Variants in PACC1 observed in about 807,000 individuals in gnomAD.
The protein encoded by PACC1 is proton-activated chloride channel.
A neutral mutation model predicts 39.7 loss-of-function variants in PACC1; 34 were observed. The observed-to-expected ratio is 0.86, with a 90% CI of 0.65 to 1.14. The LOEUF (loss-of-function observed/expected upper bound fraction) is 1.14, where lower values mean the gene tolerates loss of function less well. PACC1 is among the 50% of genes most tolerant of loss of function. The pLI is 0.00. For missense variants in PACC1, 379 were observed against 436.4 expected (o/e 0.87, Z 1.17); for synonymous variants, 127 against 160.6 (o/e 0.79, Z 1.58).
intron 6 of PACC1, among the ~76,000 whole-genome samples, chr1:212,375,611 A>C (rs1383324204): frequency 6.6e-6 from 1 of 152,192 alleles, no homozygotes; most frequent in African/African-American, 2.4e-5. Flanking sequence ...CAGGCCAGGC[A>C]TGTTGGCTCA....
At chr1:212,406,513 CA>C (rs906400823) in intron 2 of PACC1, among the ~76,000 whole-genome samples, 4 of 144,862 alleles carry the variant, frequency 2.8e-5, no homozygotes, top group African/African-American at 1.0e-4. Context: ...GAGACTGTCT[CA>C]AAAAAAAAAG....
chr1:212,407,987 T>C (rs960415442), intron 2 of PACC1, among the ~76,000 whole-genome samples: 1 of 149,344 alleles, frequency 6.7e-6, no homozygotes, highest in Admixed American at 6.8e-5. Context: ...GGCAGGAGAA[T>C]CACTTGAACC....
intron 2 of PACC1, among the ~76,000 whole-genome samples, chr1:212,391,854 C>A (rs573480231): frequency 6.6e-6 from 1 of 151,780 alleles, no homozygotes; most frequent in Admixed American, 6.6e-5. Context: ...GATGGAAGAT[C>A]AAATGAATGA....
rs561664652 is a variant in PACC1, at chr1:212,388,867, T to C, written c.134-1767A>G. ...TGGAGCTCCCTGAGAAGAAGTCCTATTTCCTCCACAGCCCAGCTGAGCACA... is the reference window on the plus strand; with the variant it reads ...TGGAGCTCCCTGAGAAGAAGTCCTACTTCCTCCACAGCCCAGCTGAGCACA... On this transcript the variant is annotated intron_variant, in intron 2 of 7. Transcript: ENST00000261455. Among the ~76,000 whole-genome samples the C allele has an allele frequency of 7.3e-4, 111 of 152,204 alleles. 3 individuals carry two copies. The South Asian group carries it at 0.022, about 30-fold the overall frequency.
At chr1:212,388,048 C>T (rs962783076) in intron 2 of PACC1, among the ~76,000 whole-genome samples, 4 of 139,780 alleles carry the variant, frequency 2.9e-5, no homozygotes, top group Middle Eastern at 3.5e-3. Context: ...GAGCGAAACT[C>T]CATCTCAAAA....
At chr1:212,410,631 C>A in intron 1 of PACC1, 110 bp from the exon 2 acceptor site, 3 of 969,850 alleles carry the variant, frequency 3.1e-6, no homozygotes, top group South Asian at 2.6e-5. Context: ...CACCAAAAAC[C>A]ACATGACATA....
chr1:212,373,749 A>T (rs554703764), intron 7 of PACC1, among the ~76,000 whole-genome samples: 1 of 152,228 alleles, frequency 6.6e-6, no homozygotes, highest in Non-Finnish European at 1.5e-5. Flanking sequence ...GCATATGAAA[A>T]TATGCTCAAC....
intron 4 of PACC1, 126 bp downstream of exon 4, chr1:212,385,148 T>A: frequency 9.1e-7 from 1 of 1,096,322 alleles, no homozygotes. Context: ...GCATGTCTCC[T>A]TGGGGACTAA....
chr1:212,405,634 G>C (rs1484689911), intron 2 of PACC1, among the ~76,000 whole-genome samples: 1 of 152,164 alleles, frequency 6.6e-6, no homozygotes, highest in Non-Finnish European at 1.5e-5. Flanking sequence ...TACAGGGAGG[G>C]GAGAATTTGG....
chr1:212,367,385 GCATTGGAACTTC>G (rs1660284127), intron 7 of PACC1, among the ~76,000 whole-genome samples: 1 of 152,146 alleles, frequency 6.6e-6, no homozygotes, highest in Admixed American at 6.5e-5. Flanking sequence ...TCTGGAACTT[GCATTGGAACTTC>G]ACAAGGGAAA....
chr1:212,392,317 C>A (rs1300089622), intron 2 of PACC1, among the ~76,000 whole-genome samples: 1 of 152,250 alleles, frequency 6.6e-6, no homozygotes, highest in East Asian at 1.9e-4. Context: ...ATTTTCAACC[C>A]AGAATTTCAT....
intron 2 of PACC1, among the ~76,000 whole-genome samples, chr1:212,398,910 ATGGC>A (rs919071539): frequency 6.6e-6 from 1 of 152,134 alleles, no homozygotes; most frequent in African/African-American, 2.4e-5. Flanking sequence ...CAGCCTATAG[ATGGC>A]TTCCCTTTCT....
At chr1:212,387,289 C>T (rs1199229322) in intron 2 of PACC1, among the ~76,000 whole-genome samples, 189 bp from the exon 3 acceptor site, 2 of 152,022 alleles carry the variant, frequency 1.3e-5, no homozygotes, top group Non-Finnish European at 2.9e-5. Context: ...GCTTCTCTGC[C>T]AGGTAGAGGA....
At chr1:212,408,023 G>A (rs1314759515) in intron 2 of PACC1, among the ~76,000 whole-genome samples, 9 of 149,586 alleles carry the variant, frequency 6.0e-5, no homozygotes, top group Admixed American at 3.4e-4. Context: ...GCAATGAGCC[G>A]AGACTGTGCC....
intron 4 of PACC1, among the ~76,000 whole-genome samples, chr1:212,384,564 C>T (rs771319029): frequency 6.6e-6 from 1 of 152,354 alleles, no homozygotes; most frequent in African/African-American, 2.4e-5. Flanking sequence ...GCCTAGAAAA[C>T]CTTTCCTTCC....
intron 2 of PACC1, among the ~76,000 whole-genome samples, chr1:212,395,089 T>C (rs886980683): frequency 1.3e-5 from 2 of 152,116 alleles, no homozygotes; most frequent in African/African-American, 4.8e-5. Flanking sequence ...AAAACTACTT[T>C]AAAGTTCATA....
chr1:212,379,571 C>T (rs1660799874), intron 5 of PACC1, among the ~76,000 whole-genome samples: 1 of 152,218 alleles, frequency 6.6e-6, no homozygotes, highest in South Asian at 2.1e-4. Context: ...AACTTGCTCT[C>T]AAAGGGACTT....
In PACC1 at chr1:212,390,691, G is replaced by C. The variant is rs539353979; in HGVS notation, c.134-3591C>G. Among the ~76,000 whole-genome samples the C allele has an allele frequency of 6.6e-5, 10 of 152,328 alleles. No individual in the cohort carries two copies. The South Asian group carries it at 2.1e-3, about 32-fold the overall frequency. On this transcript the variant is annotated intron_variant, in intron 2 of 7. Coordinates refer to ENST00000261455, the MANE Select transcript of PACC1 (RefSeq NM_018252.3). ...AAGGGTCAGGGAATTCCCTTTCATAGCCAAGCAAAGCTGTGACAGATGGCA... is the reference window on the plus strand; with the variant it reads ...AAGGGTCAGGGAATTCCCTTTCATACCCAAGCAAAGCTGTGACAGATGGCA...
intron 1 of PACC1, among the ~76,000 whole-genome samples, chr1:212,414,382 G>C (rs1035177812): frequency 6.6e-6 from 1 of 152,192 alleles, no homozygotes; most frequent in Admixed American, 6.5e-5. Flanking sequence ...TGGGCCATTG[G>C]GCTGCCGCTC....
Sources: allele counts gnomAD v4.1 joint callset (sites outside exome capture counted in the v4.1 genomes callset), GRCh38; gene constraint gnomAD v4.1.1; transcripts MANE v1.5; gene names NCBI Gene and HGNC (gene_info 2026-07-23, HGNC 2026-07-21).